Variants in PCDHGB1 observed in about 807,000 individuals in gnomAD.
PCDHGB1 encodes the protein protocadherin gamma-B1.
Under a neutral mutation model 56.6 loss-of-function variants are expected in PCDHGB1, and 34 were observed. The observed-to-expected ratio is 0.60, with a 90% CI of 0.46 to 0.80. The LOEUF is 0.80. PCDHGB1 is among the 30% of genes least tolerant of loss of function. The pLI is 0.00. For synonymous variants in PCDHGB1, 561 were observed against 505.9 expected, an observed-to-expected ratio of 1.11 and a Z score of -1.46; for missense variants, 1,278 against 1,204.6, an observed-to-expected ratio of 1.06 and a Z score of -0.90.
At chr5:141,433,096 C>A in intron 1 of PCDHGB1, 3 of 1,614,118 alleles carry the variant, frequency 1.9e-6, no homozygotes, top group Non-Finnish European at 2.5e-6. Context: ...CAGACATGCT[C>A]GTCAGCCAGG....
At chr5:141,407,812 T>C (rs1191426791) in intron 1 of PCDHGB1, among the ~76,000 whole-genome samples, 1 of 152,226 alleles carries the variant, frequency 6.6e-6, no homozygotes, top group Non-Finnish European at 1.5e-5. Context: ...AAATATCTAC[T>C]ATAATATTAT....
intron 1 of PCDHGB1, among the ~76,000 whole-genome samples, chr5:141,462,029 G>A (rs535977332): frequency 6.6e-6 from 1 of 152,260 alleles, no homozygotes; most frequent in East Asian, 1.9e-4. Context: ...CTTCATGTTG[G>A]TCAGGCGGGT....
intron 1 of PCDHGB1, chr5:141,393,581 C>T (rs1356594219): frequency 5.0e-6 from 8 of 1,613,790 alleles, no homozygotes; most frequent in Non-Finnish European, 6.8e-6. Flanking sequence ...AGAACATGCC[C>T]CCAGGCACGC....
rs1377364370 is a variant in PCDHGB1, at chr5:141,477,489, C to T, written c.2410-17318C>T. 1 of 1,614,048 alleles carries T rather than the reference C, an allele frequency of 6.2e-7. No homozygotes were observed. Among genetic ancestry groups the T allele is most frequent in the Non-Finnish European group, 8.5e-7 (1 of 1,180,044 alleles). On this transcript the variant is annotated intron_variant, in intron 1 of 3. Coordinates refer to ENST00000523390, the MANE Select transcript of PCDHGB1 (RefSeq NM_018922.3). This position sits in a 1 kb window ranked among gnomAD's most constrained non-coding sequence, Gnocchi z 4.9. ...ATCAATGACAACCCTCCACAATCTT[C>T]TCAATCTTCCTACGACGTTTACATT...
chr5:141,378,838 G>A (rs1352949775), intron 1 of PCDHGB1: 5 of 152,196 alleles, frequency 3.3e-5, no homozygotes, highest in Non-Finnish European at 1.5e-5. Flanking sequence ...GAAAACAGCA[G>A]AGTTTTTGAC....
At chr5:141,362,586 T>C in intron 1 of PCDHGB1, 2 of 1,595,214 alleles carry the variant, frequency 1.3e-6, no homozygotes, top group Non-Finnish European at 1.7e-6. Context: ...TTTTCACTTC[T>C]GGTTTTATTG....
At chr5:141,417,690 A>T in intron 1 of PCDHGB1, 1 of 1,077,126 alleles carries the variant, frequency 9.3e-7, no homozygotes, top group East Asian at 2.6e-5. Context: ...AGAAAAGAAA[A>T]CCAGCTCCCA....
At chr5:141,390,732 G>T in intron 1 of PCDHGB1, 1 of 194,114 alleles carries the variant, frequency 5.2e-6, no homozygotes, top group Non-Finnish European at 1.1e-5. Context: ...TAACTGGTAT[G>T]GTCTCCATAG....
At position 141,409,225 on chromosome 5, in the gene PCDHGB1, C is replaced by T. The variant is rs781617309; in HGVS notation, c.2409+56556C>T. 59 of 1,613,878 alleles carry T rather than the reference C, an allele frequency of 3.7e-5. 2 individuals carry two copies. The East Asian group carries it at 1.1e-3, about 30-fold the overall frequency. On this transcript the variant is annotated intron_variant, in intron 1 of 3. Coordinates refer to ENST00000523390, the MANE Select transcript of PCDHGB1 (RefSeq NM_018922.3). ...TAATCATAGAAATCCTTGATGAAAA[C>T]GACAACAGCCCAGAAATAATCATCA...
rs556099456 is a variant in PCDHGB1, at chr5:141,430,033, C to A, written c.2410-64774C>A. ...ACTTGGGTTCTTGTTAAGTGTGATT[C>A]TGATAATGTATACAATCACATATCA... On this transcript the variant is annotated intron_variant, in intron 1 of 3. Coordinates refer to ENST00000523390, the MANE Select transcript of PCDHGB1 (RefSeq NM_018922.3). 1.2e-4 allele frequency among the ~76,000 whole-genome samples: 18 copies of A among 152,184 alleles called. 1 individual carries two copies. In the South Asian group the frequency reaches 3.3e-3, roughly 28 times the overall value.
In PCDHGB1 at chr5:141,474,831, G is replaced by A. The variant is rs188288898; in HGVS notation, c.2410-19976G>A. On this transcript the variant is annotated intron_variant, in intron 1 of 3. Coordinates refer to ENST00000523390, the MANE Select transcript of PCDHGB1 (RefSeq NM_018922.3). ...CATCATTAATTGAGGCTTACTCTGTGCCAGGCACTTTACCTGCCTTCTTCA... is the reference window on the plus strand; with the variant it reads ...CATCATTAATTGAGGCTTACTCTGTACCAGGCACTTTACCTGCCTTCTTCA... 5.3e-5 allele frequency among the ~76,000 whole-genome samples: 8 copies of A among 152,350 alleles called. No individual in the cohort carries two copies. The East Asian group carries it at 1.5e-3, about 29-fold the overall frequency.
chr5:141,503,024 A>G (rs574653661), intron 2 of PCDHGB1, among the ~76,000 whole-genome samples: 2 of 150,210 alleles, frequency 1.3e-5, no homozygotes, highest in South Asian at 2.1e-4. Context: ...TTTTTTTTTA[A>G]TATCTATTTT....
At chr5:141,435,435 T>G (rs2097763289) in intron 1 of PCDHGB1, among the ~76,000 whole-genome samples, 1 of 152,212 alleles carries the variant, frequency 6.6e-6, no homozygotes. Context: ...TGTTATGCAT[T>G]TCATTAATAC....
At chr5:141,454,997 A>G (rs2098809547) in intron 1 of PCDHGB1, among the ~76,000 whole-genome samples, 2 of 151,192 alleles carry the variant, frequency 1.3e-5, no homozygotes, top group Admixed American at 6.6e-5. Flanking sequence ...TATTTTTAGT[A>G]GAGACGGGGT....
At chr5:141,359,971 G>C (rs1203872365) in intron 1 of PCDHGB1, 1 of 696,752 alleles carries the variant, frequency 1.4e-6, no homozygotes, top group East Asian at 3.0e-5. Context: ...GAAGCGTTTG[G>C]GAGCCTCTTA....
At chr5:141,362,101 G>A in intron 1 of PCDHGB1, 1 of 1,613,846 alleles carries the variant, frequency 6.2e-7, no homozygotes, top group East Asian at 2.2e-5. Flanking sequence ...GCCACTCTCC[G>A]CTACGGCCAC....
chr5:141,393,434 T>C (rs1554093883), intron 1 of PCDHGB1: 5 of 1,613,902 alleles, frequency 3.1e-6, no homozygotes, highest in South Asian at 1.1e-5. Flanking sequence ...AAGAGGCTGC[T>C]CACCACCTGG....
chr5:141,478,202 C>T, intron 1 of PCDHGB1: 1 of 1,614,074 alleles, frequency 6.2e-7, no homozygotes, highest in Non-Finnish European at 8.5e-7. Flanking sequence ...TTATCTACTT[C>T]TTTCTCTAAT....
At chr5:141,498,863 G>A (rs1311199561) in intron 2 of PCDHGB1, among the ~76,000 whole-genome samples, 2 of 151,466 alleles carry the variant, frequency 1.3e-5, no homozygotes, top group South Asian at 2.1e-4. Context: ...AACCCAGGAG[G>A]CGGAGGTTGC....
Sources: gnomAD v4.1 joint callset for allele counts (sites outside exome capture counted in the v4.1 genomes callset) on GRCh38, gnomAD v4.1.1 for gene constraint, Gnocchi (gnomAD v3.1) non-coding constraint, MANE v1.5 for transcripts, NCBI Gene and HGNC (gene_info 2026-07-23, HGNC 2026-07-21) for gene names.